The following ITGBL1 variants were observed in gnomAD, a reference collection of about 807,000 sequenced individuals.
The protein encoded by ITGBL1 is integrin beta-like protein 1.
In ITGBL1, 51 loss-of-function variants were observed where a neutral mutation model predicts 68.5. The ratio of observed to expected loss-of-function variants is 0.74; its 90% confidence interval spans 0.59 to 0.94. The LOEUF is 0.94. Ranked by LOEUF, ITGBL1 falls within the 40% of genes least tolerant of loss-of-function variation. The pLI, the probability that ITGBL1 is intolerant of heterozygous loss-of-function variation, is 0.00. For missense variants in ITGBL1, 649 were observed against 647.4 expected (o/e 1.00, Z -0.03); for synonymous variants, 209 against 227.3 (o/e 0.92, Z 0.72).
rs550069686 is a variant in ITGBL1 at position 101,474,699 on chromosome 13, C to T, written c.316+20599C>T. 1.2e-4 allele frequency among the ~76,000 whole-genome samples: 18 copies of T among 152,242 alleles called. 1 individual carries two copies. The highest frequency in any genetic ancestry group is 4.1e-4 in the African/African-American group (17 of 41,558). ...AACAGGGGTGCTTGTGTTACCCCTC[C>T]CCCAGTTCCAGGCAGATCAGTGTGA... On this transcript the variant is annotated intron_variant, in intron 2 of 10. Transcript: ENST00000376180.
At chr13:101,712,372 A>G (rs2034510635) in intron 9 of ITGBL1, 1 of 152,202 alleles carries the variant, frequency 6.6e-6, no homozygotes, top group Admixed American at 6.5e-5. Flanking sequence ...CATATATGCC[A>G]TATTAGCTTT....
At chr13:101,492,443 C>T (rs1423107751) in intron 2 of ITGBL1, among the ~76,000 whole-genome samples, 3 of 152,144 alleles carry the variant, frequency 2.0e-5, no homozygotes, top group African/African-American at 7.2e-5. Context: ...ATGGAGCTGA[C>T]ACAGTTTATT....
At position 101,575,445 on chromosome 13, in the gene ITGBL1, G is replaced by A. The variant is rs769207393; in HGVS notation, c.485G>A (p.Cys162Tyr). Residue 162 changes from cysteine to tyrosine, a missense_variant, in exon 4 of 11, where the codon TGT (cysteine) becomes TAT (tyrosine). Cys to Tyr is a radical substitution (Grantham distance 194, BLOSUM62 -2). Transcript: ENST00000376180. The part of the protein sequence containing the change: ...SNAGTCHCGR[C>Y]KCDNSDGSGL... Reference sequence around the variant, plus strand: ...TTAGGTACATGTCACTGTGGCAGGTGTAAGTGTGATAATTCAGATGGAAGT... The same window carrying A: ...TTAGGTACATGTCACTGTGGCAGGTATAAGTGTGATAATTCAGATGGAAGT... The A allele has an allele frequency of 1.2e-6, 2 of 1,613,074 alleles. No homozygotes were observed. Among genetic ancestry groups the A allele is most frequent in the South Asian group, 1.1e-5 (1 of 91,064 alleles).
chr13:101,646,518 T>G (rs2032564463), intron 7 of ITGBL1, among the ~76,000 whole-genome samples: 1 of 152,168 alleles, frequency 6.6e-6, no homozygotes. Flanking sequence ...TTTAGTGACA[T>G]TCAGGGTTGA....
intron 2 of ITGBL1, among the ~76,000 whole-genome samples, chr13:101,483,416 A>G (rs2048655636): frequency 6.6e-6 from 1 of 152,224 alleles, no homozygotes; most frequent in African/African-American, 2.4e-5. Context: ...AACAGCAAAG[A>G]TTCAGTTGTT....
At chr13:101,596,521 A>G (rs1050078242) in intron 6 of ITGBL1, among the ~76,000 whole-genome samples, 1 of 152,212 alleles carries the variant, frequency 6.6e-6, no homozygotes, top group Non-Finnish European at 1.5e-5. Flanking sequence ...ATGCATATGC[A>G]TATCTAAACA....
At chr13:101,502,709 T>C (rs953442546) in intron 2 of ITGBL1, among the ~76,000 whole-genome samples, 1 of 152,204 alleles carries the variant, frequency 6.6e-6, no homozygotes, top group Non-Finnish European at 1.5e-5. Flanking sequence ...TAAACCACAG[T>C]CTTTGCTTCT....
At chr13:101,640,902 C>T (rs2032345084) in intron 7 of ITGBL1, among the ~76,000 whole-genome samples, 1 of 152,106 alleles carries the variant, frequency 6.6e-6, no homozygotes, top group South Asian at 2.1e-4. Flanking sequence ...TCAAGTACTC[C>T]AGTGTCCTAA....
At chr13:101,625,716 C>A (rs546869199) in intron 7 of ITGBL1, among the ~76,000 whole-genome samples, 56 of 152,170 alleles carry the variant, frequency 3.7e-4, no homozygotes, top group African/African-American at 1.3e-3. Context: ...TCATGCCCAG[C>A]TAATTTTTTG....
rs79677486 is a variant in ITGBL1, at chr13:101,558,263, A to G, written c.317-9436A>G. On this transcript the variant is annotated intron_variant, in intron 2 of 10. Coordinates refer to ENST00000376180, the MANE Select transcript of ITGBL1 (RefSeq NM_004791.3). ...CACTTACAAGAGAATGAGCTAAACA[A>G]TGAGTACACAGGGACATAAAGATAG... Among the ~76,000 whole-genome samples the G allele has an allele frequency of 9.2e-3, 1,394 of 152,202 alleles. 20 individuals are homozygous for G. The highest frequency in any genetic ancestry group is 0.032 in the African/African-American group (1,322 of 41,518).
At chr13:101,656,905 G>A (rs2032942225) in intron 7 of ITGBL1, among the ~76,000 whole-genome samples, 1 of 145,890 alleles carries the variant, frequency 6.9e-6, no homozygotes, top group Non-Finnish European at 1.5e-5. Context: ...GTGTTGTTTT[G>A]TTTAATTAGA....
intron 5 of ITGBL1, among the ~76,000 whole-genome samples, chr13:101,579,970 A>G (rs2050427948): frequency 6.6e-6 from 1 of 152,230 alleles, no homozygotes; most frequent in African/African-American, 2.4e-5. Context: ...ATGTACACTG[A>G]CTTTACAAAG....
At chr13:101,656,131 C>T (rs763163502) in intron 7 of ITGBL1, among the ~76,000 whole-genome samples, 30 of 151,980 alleles carry the variant, frequency 2.0e-4, no homozygotes, top group Non-Finnish European at 4.3e-4. Context: ...GTCTGAAGAC[C>T]TGGGATATAT....
intron 7 of ITGBL1, among the ~76,000 whole-genome samples, chr13:101,671,846 A>G (rs1435934820): frequency 1.3e-5 from 2 of 152,206 alleles, no homozygotes; most frequent in African/African-American, 4.8e-5. Context: ...TAATGGCAGT[A>G]TATATGTTTG....
At chr13:101,594,643 C>CA (rs1178416025) in intron 6 of ITGBL1, among the ~76,000 whole-genome samples, 1 of 151,998 alleles carries the variant, frequency 6.6e-6, no homozygotes, top group Admixed American at 6.6e-5. Context: ...AATGAAAAGG[C>CA]AACTTCTGGA....
intron 8 of ITGBL1, among the ~76,000 whole-genome samples, chr13:101,693,991 C>A (rs962145074): frequency 6.6e-6 from 1 of 152,176 alleles, no homozygotes; most frequent in African/African-American, 2.4e-5. Context: ...ATTGTCATGG[C>A]AGCCACCCTA....
intron 6 of ITGBL1, among the ~76,000 whole-genome samples, chr13:101,585,801 G>A (rs1312969976): frequency 1.3e-5 from 2 of 152,106 alleles, no homozygotes; most frequent in Non-Finnish European, 2.9e-5. Context: ...AATAAGGGAG[G>A]CATATAAAAG....
intron 7 of ITGBL1, among the ~76,000 whole-genome samples, chr13:101,603,776 A>G (rs2139341336): frequency 6.6e-6 from 1 of 152,096 alleles, no homozygotes; most frequent in Middle Eastern, 3.4e-3. Context: ...GGAAGTAAAG[A>G]AAATGACTTC....
At chr13:101,587,917 T>C (rs1044923206) in intron 6 of ITGBL1, among the ~76,000 whole-genome samples, 9 of 151,920 alleles carry the variant, frequency 5.9e-5, no homozygotes, top group African/African-American at 2.2e-4. Flanking sequence ...CATGTTACTT[T>C]GTAAACATGT....
Sources: gnomAD v4.1 joint callset for allele counts (sites outside exome capture counted in the v4.1 genomes callset) on GRCh38, gnomAD v4.1.1 for gene constraint, MANE v1.5 for transcripts, NCBI Gene and HGNC (gene_info 2026-07-23, HGNC 2026-07-21) for gene names.